RYR3: variants seen among roughly 807,000 people sequenced by gnomAD.
RYR3 encodes the protein brain ryanodine receptor-calcium release channel.
In RYR3, 207 loss-of-function variants were observed where a neutral mutation model predicts 584.3. That is an observed-to-expected ratio of 0.35 (90% CI 0.32 to 0.40). RYR3 has a LOEUF of 0.40. RYR3 is among the 10% of genes least tolerant of loss of function. RYR3 has a pLI of 1.00. For synonymous variants in RYR3, 2,416 were observed against 2,248.5 expected (o/e 1.07, Z -2.11); for missense variants, 5,616 against 6,089.2 (o/e 0.92, Z 2.59).
At chr15:33,598,246 C>T (rs1026105585) in intron 16 of RYR3, among the ~76,000 whole-genome samples, 6 of 74,312 alleles carry the variant, frequency 8.1e-5, no homozygotes, top group African/African-American at 2.7e-4. Flanking sequence ...AAAAATTGCT[C>T]AAAAAAAAAA....
intron 1 of RYR3, among the ~76,000 whole-genome samples, chr15:33,442,166 C>T (rs978464133): frequency 2.0e-5 from 3 of 152,160 alleles, no homozygotes; most frequent in African/African-American, 7.2e-5. Context: ...TTATGTATCC[C>T]TCACATTTCT....
At chr15:33,807,409 C>A in intron 69 of RYR3, 146 bp from the exon 70 acceptor site, 3 of 806,898 alleles carry the variant, frequency 3.7e-6, no homozygotes, top group South Asian at 1.5e-5. Context: ...GCTCAACTGG[C>A]TTCCAGAACC....
intron 2 of RYR3, among the ~76,000 whole-genome samples, chr15:33,481,504 A>G (rs1044430581): frequency 5.9e-5 from 9 of 151,756 alleles, no homozygotes; most frequent in African/African-American, 2.2e-4. Flanking sequence ...TTTTTGAGAC[A>G]GAGTCTTGCT....
intron 1 of RYR3, among the ~76,000 whole-genome samples, chr15:33,391,496 G>A (rs112694375): frequency 0.013 from 1,935 of 151,934 alleles, 37 homozygotes; most frequent in African/African-American, 0.044. Context: ...CATGGTGGCC[G>A]GCGCCTGTAG....
intron 89 of RYR3, among the ~76,000 whole-genome samples, chr15:33,839,285 C>G (rs1483692622): frequency 6.6e-6 from 1 of 152,170 alleles, no homozygotes; most frequent in Admixed American, 6.5e-5. Flanking sequence ...GAACTGAAAG[C>G]ACAGGAAACG....
chr15:33,660,765 T>C lies in RYR3; in HGVS notation c.4622+342T>C, dbSNP rs140776895. Among the ~76,000 whole-genome samples the C allele has an allele frequency of 9.6e-4, 146 of 152,314 alleles. 1 individual carries two copies. The highest frequency in any genetic ancestry group is 3.4e-3 in the African/African-American group (142 of 41,574). ...CTAGCTTGACTTAGAGAATCAGGAA[T>C]CAGGTTCCTGGTCTCCCCTTGCTAA... is the stretch of plus-strand genomic sequence containing the variant. On this transcript the variant is annotated intron_variant, in intron 34 of 103. Transcript: ENST00000634891.
Position 33,820,804 on chromosome 15 carries a change from A to G in RYR3, c.10807A>G (p.Thr3603Ala), listed in dbSNP as rs1218224785. The stretch of plus-strand genomic sequence containing the variant: ...AGAAGAAGATGAAGACAAGGAAAAA[A>G]CATTCGAAGTAAGTTCTCATGAAGA... ...DEEEDEDKEKTFEEKEMEKQK... is the reference protein window; with the variant it reads ...DEEEDEDKEKAFEEKEMEKQK... The change falls in exon 78 of 104, where the codon ACA becomes GCA. Residue 3603 changes from threonine (T) to alanine (A), a missense_variant. Around this residue, in one of 9 missense-constraint regions of RYR3, gnomAD observed 954 missense variants for 1,132.2 expected, o/e 0.84. Coordinates refer to ENST00000634891, the MANE Select transcript of RYR3 (RefSeq NM_001036.6). The G allele has an allele frequency of 6.3e-7, 1 of 1,595,564 alleles. No homozygotes were observed.
In RYR3 at chr15:33,699,090, A is replaced by C. The variant is rs2066072338; in HGVS notation, c.6250-614A>C. Among the ~76,000 whole-genome samples, 4 of 152,276 alleles carry C rather than the reference A, an allele frequency of 2.6e-5. No individual in the cohort carries two copies. In the South Asian group the frequency reaches 8.3e-4, roughly 32 times the overall value. ...CCATAGAAGAGCAATTATCAATGAC[A>C]AAAGTAGTCAGGGAAGACTCAGAGA... is the stretch of plus-strand genomic sequence containing the variant. On this transcript the variant is annotated intron_variant, in intron 40 of 103. Coordinates refer to ENST00000634891, the MANE Select transcript of RYR3 (RefSeq NM_001036.6).
At chr15:33,368,670 G>T (rs1423928619) in intron 1 of RYR3, among the ~76,000 whole-genome samples, 3 of 152,096 alleles carry the variant, frequency 2.0e-5, no homozygotes, top group Non-Finnish European at 4.4e-5. Flanking sequence ...CCCAGAAAAA[G>T]TGCAGTGAGC....
chr15:33,757,340 AG>A, intron 59 of RYR3, 134 bp from the exon 60 acceptor site: 1 of 936,484 alleles, frequency 1.1e-6, no homozygotes. Context: ...CTGGGACCAA[AG>A]GGGTAGAATT....
chr15:33,364,560 T>C (rs955957085), intron 1 of RYR3, among the ~76,000 whole-genome samples: 6 of 152,132 alleles, frequency 3.9e-5, no homozygotes, highest in Non-Finnish European at 5.9e-5. Context: ...GTGGGAGACT[T>C]CAAATATTTG....
intron 1 of RYR3, among the ~76,000 whole-genome samples, chr15:33,337,106 G>A (rs1340458210): frequency 2.3e-5 from 3 of 128,244 alleles, no homozygotes; most frequent in African/African-American, 7.9e-5. Flanking sequence ...TGAGGAGACT[G>A]ATAAAAAAAG....
chr15:33,344,809 T>C (rs1972248795), intron 1 of RYR3, among the ~76,000 whole-genome samples: 1 of 152,192 alleles, frequency 6.6e-6, no homozygotes, highest in Non-Finnish European at 1.5e-5. Context: ...TGACTTAACA[T>C]AAAAATTAAG....
At chr15:33,503,828 A>T (rs1038793585) in intron 3 of RYR3, 90 bp downstream of exon 3, 1 of 759,914 alleles carries the variant, frequency 1.3e-6, no homozygotes, top group African/African-American at 1.7e-5. Flanking sequence ...TGAACTGAAA[A>T]ATTTTAAGAC....
At chr15:33,816,456 G>A (rs930186911) in intron 74 of RYR3, among the ~76,000 whole-genome samples, 1 of 152,046 alleles carries the variant, frequency 6.6e-6, no homozygotes, top group African/African-American at 2.4e-5. Context: ...ACTGATCATC[G>A]GTATGACTTA....
chr15:33,649,742 CTT>C (rs540222738), intron 31 of RYR3, among the ~76,000 whole-genome samples: 4 of 152,156 alleles, frequency 2.6e-5, no homozygotes, highest in Non-Finnish European at 5.9e-5. Flanking sequence ...AATTAGGAAA[CTT>C]TAGGGCAAGC....
At chr15:33,526,099 T>C (rs986439907) in intron 3 of RYR3, among the ~76,000 whole-genome samples, 4 of 152,194 alleles carry the variant, frequency 2.6e-5, no homozygotes, top group South Asian at 2.1e-4. Context: ...GGAAGTTAGT[T>C]TGGAGCTCTA....
At chr15:33,369,836 T>C (rs1019408037) in intron 1 of RYR3, among the ~76,000 whole-genome samples, 32 of 152,350 alleles carry the variant, frequency 2.1e-4, no homozygotes, top group Non-Finnish European at 2.4e-4. Flanking sequence ...TTCTGCCTTA[T>C]GTGTTGGTTC....
chr15:33,588,970 C>A (rs902744868), intron 16 of RYR3, among the ~76,000 whole-genome samples: 1 of 152,110 alleles, frequency 6.6e-6, no homozygotes, highest in African/African-American at 2.4e-5. Flanking sequence ...TGGGTAGATA[C>A]CCAGTAGTGG....
Sources: allele counts gnomAD v4.1 joint callset (sites outside exome capture counted in the v4.1 genomes callset), GRCh38; gene constraint gnomAD v4.1.1; regional missense constraint gnomAD v4.1.1; transcripts MANE v1.5; gene names NCBI Gene and HGNC (gene_info 2026-07-23, HGNC 2026-07-21).